The following GLI3 variants were observed in gnomAD, a reference collection of about 807,000 sequenced individuals.
The protein encoded by GLI3 is transcription activator GLI3.
A neutral mutation model predicts 100.8 loss-of-function variants in GLI3; 20 were observed. The observed-to-expected ratio is 0.20, with a 90% CI of 0.14 to 0.29. GLI3 has a LOEUF of 0.29. GLI3 is among the 10% of genes least tolerant of loss of function. GLI3 has a pLI of 1.00. For synonymous variants in GLI3, 938 were observed against 860.5 expected, an observed-to-expected ratio of 1.09 and a Z score of -1.58; for missense variants, 2,040 against 2,128.5, an observed-to-expected ratio of 0.96 and a Z score of 0.82.
chr7:41,972,958 T>TTGATGATGA lies in GLI3; in HGVS notation c.1813-340_1813-332dup, dbSNP rs141327852. Among the ~76,000 whole-genome samples, 2 of 151,798 alleles carry TTGATGATGA rather than the reference T, an allele frequency of 1.3e-5. No homozygotes were observed. The highest frequency in any genetic ancestry group is 4.8e-5 in the African/African-American group (2 of 41,280). On this transcript the variant is annotated intron_variant, in intron 12 of 14. Transcript: ENST00000395925. The surrounding 1 kb of genome is among the most constrained non-coding windows in gnomAD (Gnocchi z 4.4). ...GCCATAATAGGCACTCAATAGATATTTGATGATGATGATGATGATGATGAC... is the reference window on the plus strand; with the variant it reads ...GCCATAATAGGCACTCAATAGATATTTGATGATGATGATGATGATGATGATGATGATGAC...
At chr7:41,986,630 A>G (rs577436112) in intron 10 of GLI3, among the ~76,000 whole-genome samples, 57 of 152,344 alleles carry the variant, frequency 3.7e-4, no homozygotes, top group African/African-American at 1.4e-3. Context: ...AGTATCCAGA[A>G]TAGGTAAATC....
chr7:42,176,010 C>T (rs1787473020), intron 2 of GLI3, among the ~76,000 whole-genome samples: 1 of 152,052 alleles, frequency 6.6e-6, no homozygotes, highest in African/African-American at 2.4e-5. Flanking sequence ...AGTACAGGGC[C>T]CAAAACCACC....
rs753083149 is a variant in GLI3 at position 41,972,318 on chromosome 7, A to G, written c.2103+19T>C. 9.3e-5 allele frequency: 150 copies of G among 1,611,258 alleles called. No individual in the cohort carries two copies. The highest frequency in any genetic ancestry group is 1.2e-4 in the Non-Finnish European group (145 of 1,177,864). Reference sequence around the variant, plus strand: ...TAAATGGGCCTGCTGTGAAGTCAGAAGGAGAGTGAATGACATACCATTGGC... The same window carrying G: ...TAAATGGGCCTGCTGTGAAGTCAGAGGGAGAGTGAATGACATACCATTGGC... On this transcript the variant is annotated intron_variant, in intron 13 of 14. Transcript: ENST00000395925. This position sits in a 1 kb window ranked among gnomAD's most constrained non-coding sequence, Gnocchi z 4.4.
At chr7:42,027,972 C>T (rs971126903) in intron 7 of GLI3, among the ~76,000 whole-genome samples, 23 of 152,144 alleles carry the variant, frequency 1.5e-4, no homozygotes, top group Non-Finnish European at 2.6e-4. Context: ...ATTGATAGGG[C>T]ATTAATCAAA....
At chr7:42,018,782 C>A (rs1788844447) in intron 10 of GLI3, among the ~76,000 whole-genome samples, 1 of 152,138 alleles carries the variant, frequency 6.6e-6, no homozygotes, top group Non-Finnish European at 1.5e-5. Flanking sequence ...GGTGGTTAAT[C>A]ACTCTACAAA....
chr7:42,246,105 C>T (rs756888174), intron 1 of GLI3, among the ~76,000 whole-genome samples: 1 of 152,246 alleles, frequency 6.6e-6, no homozygotes, highest in Admixed American at 6.5e-5. Flanking sequence ...TGCTAGGCAC[C>T]CTCTTCTCAC....
At chr7:42,022,953 C>T (rs1213104040) in intron 10 of GLI3, among the ~76,000 whole-genome samples, 1 of 152,208 alleles carries the variant, frequency 6.6e-6, no homozygotes, top group Non-Finnish European at 1.5e-5. Flanking sequence ...CATGAAACTA[C>T]TAACCCCACA....
At chr7:42,248,577 TC>T (rs1788998045) in intron 1 of GLI3, among the ~76,000 whole-genome samples, 1 of 152,186 alleles carries the variant, frequency 6.6e-6, no homozygotes, top group African/African-American at 2.4e-5. Flanking sequence ...TGTGGCTCCA[TC>T]TTTCCCCTCT....
intron 2 of GLI3, among the ~76,000 whole-genome samples, chr7:42,170,276 A>G (rs1008716554): frequency 1.4e-3 from 203 of 147,046 alleles, no homozygotes; most frequent in Admixed American, 2.4e-3. Flanking sequence ...TTATATATAT[A>G]TATATATATA....
At chr7:42,157,565 G>C (rs1197014868) in intron 2 of GLI3, among the ~76,000 whole-genome samples, 2 of 152,138 alleles carry the variant, frequency 1.3e-5, no homozygotes, top group Non-Finnish European at 1.5e-5. Flanking sequence ...GTGGGAGGAA[G>C]AGAAATATAT....
intron 2 of GLI3, among the ~76,000 whole-genome samples, chr7:42,218,768 A>G (rs1008356396): frequency 6.6e-6 from 1 of 152,134 alleles, no homozygotes; most frequent in African/African-American, 2.4e-5. Context: ...TATCACTTTA[A>G]AGTATGTTCC....
chr7:42,228,979 A>G (rs1788639913), intron 1 of GLI3, among the ~76,000 whole-genome samples: 1 of 152,154 alleles, frequency 6.6e-6, no homozygotes, highest in Admixed American at 6.5e-5. Context: ...TTCTCCTTTC[A>G]AGTCTCTGCA....
chr7:42,058,699 G>A (rs1175059015), intron 4 of GLI3, among the ~76,000 whole-genome samples: 4 of 152,206 alleles, frequency 2.6e-5, no homozygotes, highest in East Asian at 1.9e-4. Flanking sequence ...CTTGTGAAGA[G>A]AGAAGCCAAA....
chr7:41,972,510 C>T lies in GLI3; in HGVS notation c.1930G>A (p.Gly644Arg), dbSNP rs917006091. Reference sequence around the variant, plus strand: ...GGTGGCGGCCGAGGATGGATGTCCCCTCGCTGCTTCTTGGTGACATGAGCC... The same window carrying T: ...GGTGGCGGCCGAGGATGGATGTCCCTTCGCTGCTTCTTGGTGACATGAGCC... ...PEAHVTKKQR[G>R]DIHPRPPPPR... The change falls in exon 13 of 15, where the codon GGG becomes AGG. Residue 644 changes from glycine (G) to arginine (R), a missense_variant. Gly to Arg is a moderately radical substitution (Grantham distance 125). Coordinates refer to ENST00000395925, the MANE Select transcript of GLI3 (RefSeq NM_000168.6). This position sits in a 1 kb window ranked among gnomAD's most constrained non-coding sequence, Gnocchi z 4.4. 1.2e-6 allele frequency: 2 copies of T among 1,613,384 alleles called. No homozygotes were observed. Among genetic ancestry groups the T allele is most frequent in the Non-Finnish European group, 1.7e-6 (2 of 1,180,002 alleles).
At chr7:42,056,440 T>G (rs886280393) in intron 4 of GLI3, among the ~76,000 whole-genome samples, 1 of 152,156 alleles carries the variant, frequency 6.6e-6, no homozygotes, top group Non-Finnish European at 1.5e-5. Flanking sequence ...ATGAAAAATA[T>G]GGACAATGAA....
intron 2 of GLI3, among the ~76,000 whole-genome samples, chr7:42,182,930 A>G (rs950316297): frequency 1.1e-4 from 16 of 151,708 alleles, no homozygotes; most frequent in African/African-American, 2.9e-4. Context: ...AAAAATACAC[A>G]AAAAAATTAG....
At chr7:42,138,571 G>C (rs978000893) in intron 3 of GLI3, among the ~76,000 whole-genome samples, 2 of 152,168 alleles carry the variant, frequency 1.3e-5, no homozygotes, top group Non-Finnish European at 2.9e-5. Flanking sequence ...CTTCACCCCT[G>C]GGGGAGGAGG....
At chr7:42,109,286 C>A (rs904569636) in intron 3 of GLI3, among the ~76,000 whole-genome samples, 2 of 152,194 alleles carry the variant, frequency 1.3e-5, no homozygotes, top group East Asian at 3.8e-4. Context: ...CACTACAGGG[C>A]AGCCAAGAGC....
intron 14 of GLI3, among the ~76,000 whole-genome samples, chr7:41,967,263 C>T (rs957240684): frequency 2.0e-5 from 3 of 152,324 alleles, no homozygotes; most frequent in South Asian, 2.1e-4. Context: ...CTGCTAACCT[C>T]GTGGTTTTAA....
Sources: allele counts gnomAD v4.1 joint callset (sites outside exome capture counted in the v4.1 genomes callset), GRCh38; gene constraint gnomAD v4.1.1; non-coding constraint Gnocchi (gnomAD v3.1); transcripts MANE v1.5; gene names NCBI Gene and HGNC (gene_info 2026-07-23, HGNC 2026-07-21).